The following MAN1B1 variants were observed in gnomAD, a reference collection of about 807,000 sequenced individuals.
MAN1B1 encodes mannosidase alpha class 1B member 1, also known as endoplasmic reticulum mannosyl-oligosaccharide 1,2-alpha-mannosidase.
A neutral mutation model predicts 75.5 loss-of-function variants in MAN1B1; 66 were observed. The ratio of observed to expected loss-of-function variants is 0.87; its 90% confidence interval spans 0.72 to 1.07. MAN1B1 has a LOEUF of 1.07. Ranked by LOEUF, MAN1B1 falls within the 50% of genes least tolerant of loss-of-function variation. MAN1B1 has a pLI of 0.00. For synonymous variants in MAN1B1, 453 were observed against 382.8 expected (o/e 1.18, Z -2.14); for missense variants, 973 against 912.5 (o/e 1.07, Z -0.85).
chr9:137,108,691 T>C lies in MAN1B1; in HGVS notation c.*100T>C. ...CCACGTAGCACCGGCAACCGCCAAGTGGCCCAGGCTCTGAACTGGCTCTGG... is the reference window on the plus strand; with the variant it reads ...CCACGTAGCACCGGCAACCGCCAAGCGGCCCAGGCTCTGAACTGGCTCTGG... On this transcript the variant is annotated 3_prime_UTR_variant, in exon 13 of 13. Coordinates refer to ENST00000371589, the MANE Select transcript of MAN1B1 (RefSeq NM_016219.5). 2 of 1,130,236 alleles carry C rather than the reference T, an allele frequency of 1.8e-6. No individual in the cohort carries two copies. The highest frequency in any genetic ancestry group is 2.4e-5 in the East Asian group (1 of 42,550). The allele number at this position is 1,130,236 out of a possible 1,614,324, so 70.0% of individuals were successfully genotyped here. A position where few individuals can be genotyped will look rare whatever the true frequency, so the allele number is the denominator to read the frequency against.
At chr9:137,089,289 C>A in intron 3 of MAN1B1, 1 of 465,078 alleles carries the variant, frequency 2.2e-6, no homozygotes, top group Middle Eastern at 6.3e-4. Context: ...GTAGGAGAGG[C>A]TGGTGAGAAG....
chr9:137,105,522 T>G, intron 8 of MAN1B1: 1 of 249,542 alleles, frequency 4.0e-6, no homozygotes, highest in Non-Finnish European at 7.9e-6. Flanking sequence ...GGCATGGGTT[T>G]GGGTGTCTGC....
Position 137,108,946 on chromosome 9 carries a change from C to T in MAN1B1, c.*355C>T. ...GTGACCGAGTGGACAGCCCAGGGTG[C>T]AGCTCTGCCCGGGCTCGTGAAGCCT... On this transcript the variant is annotated 3_prime_UTR_variant, in exon 13 of 13. Coordinates refer to ENST00000371589, the MANE Select transcript of MAN1B1 (RefSeq NM_016219.5). 1 of 484,216 alleles carries T rather than the reference C, an allele frequency of 2.1e-6. No individual in the cohort carries two copies. The highest frequency in any genetic ancestry group is 4.1e-6 in the Non-Finnish European group (1 of 245,814). The allele number at this position is 484,216 out of a possible 1,614,324, so 30.0% of individuals were successfully genotyped here.
intron 4 of MAN1B1, among the ~76,000 whole-genome samples, chr9:137,097,045 G>T (rs914456655): frequency 6.6e-6 from 1 of 152,250 alleles, no homozygotes; most frequent in African/African-American, 2.4e-5. Context: ...GAAGAAACGG[G>T]CCCAGAGGCC....
Position 137,099,899 on chromosome 9 carries a change from G to A in MAN1B1, c.916+18G>A. ...GAGGAAAGGTACCTGGTGCTTTCTG[G>A]GGAGGGGCTGAGCCCTCCGTGTGGG... On this transcript the variant is annotated intron_variant, in intron 6 of 12. Coordinates refer to ENST00000371589, the MANE Select transcript of MAN1B1 (RefSeq NM_016219.5). 1.2e-6 allele frequency: 2 copies of A among 1,613,924 alleles called. No homozygotes were observed. Among genetic ancestry groups the A allele is most frequent in the Non-Finnish European group, 8.5e-7 (1 of 1,179,994 alleles).
chr9:137,105,107 C>T (rs1490858871), intron 8 of MAN1B1: 2 of 152,414 alleles, frequency 1.3e-5, no homozygotes, highest in African/African-American at 4.8e-5. Context: ...CCACTGGCCT[C>T]CCAAAGTGCT....
At chr9:137,101,362 G>A (rs944025017) in intron 7 of MAN1B1, 122 bp from the exon 8 acceptor site, 61 of 1,136,784 alleles carry the variant, frequency 5.4e-5, no homozygotes, top group East Asian at 9.4e-5. Flanking sequence ...AGTGATGCCC[G>A]TTTCCTTGCT....
chr9:137,099,588 G>A (rs566487856), intron 5 of MAN1B1, 108 bp from the exon 6 acceptor site: 56 of 1,255,610 alleles, frequency 4.5e-5, no homozygotes, highest in African/African-American at 4.1e-4. Context: ...CAAACCCACC[G>A]TCATCTTTGC....
At chr9:137,088,787 C>T (rs1224161206) in intron 2 of MAN1B1, 82 bp from the exon 3 acceptor site, 3 of 1,448,142 alleles carry the variant, frequency 2.1e-6, no homozygotes, top group Non-Finnish European at 2.9e-6. Flanking sequence ...TGGATAGTGC[C>T]TGCCAAGTGT....
chr9:137,092,136 A>G (rs1030185473), intron 3 of MAN1B1, among the ~76,000 whole-genome samples: 1 of 152,062 alleles, frequency 6.6e-6, no homozygotes, highest in African/African-American at 2.4e-5. Flanking sequence ...GCACTTTCAG[A>G]GGCCAAGGCA....
chr9:137,101,279 T>C, intron 7 of MAN1B1, 126 bp downstream of exon 7: 1 of 1,338,252 alleles, frequency 7.5e-7, no homozygotes, highest in Non-Finnish European at 1.1e-6. Flanking sequence ...AGTCTGTTTC[T>C]GAGCTCATAT....
Position 137,106,197 on chromosome 9 carries a change from A to C in MAN1B1, c.1327A>C (p.Ile443Leu). The C allele has an allele frequency of 6.2e-7, 1 of 1,612,220 alleles. No individual in the cohort carries two copies. Among genetic ancestry groups the C allele is most frequent in the Non-Finnish European group, 8.5e-7 (1 of 1,179,650 alleles). Residue 443 changes from isoleucine (I) to leucine (L), a missense_variant, in exon 9 of 13, where the codon ATC becomes CTC. Coordinates refer to ENST00000371589, the MANE Select transcript of MAN1B1 (RefSeq NM_016219.5). ...GKKDGLVPMF[I>L]NTHSGLFTHL... ...GAAGGATGGGCTGGTGCCCATGTTC[A>C]TCAATACCCACAGTGGCCTCTTCAC...
intron 3 of MAN1B1, chr9:137,094,440 G>A: frequency 2.1e-6 from 1 of 480,748 alleles, no homozygotes; most frequent in Admixed American, 2.0e-5. Flanking sequence ...ACCTGGTGGA[G>A]AAGAGACTAG....
Position 137,102,667 on chromosome 9 carries a change from TACAC to T in MAN1B1, c.1254+999_1254+1002del, listed in dbSNP as rs1407408518. 1.0e-3 allele frequency: 457 copies of T among 439,780 alleles called. 3 individuals carry two copies. The East Asian group carries it at 0.017, about 17-fold the overall frequency. The allele number at this position is 439,780 out of a possible 1,614,324, so 27.2% of individuals were successfully genotyped here. On this transcript the variant is annotated intron_variant, in intron 8 of 12. Transcript: ENST00000371589. The stretch of plus-strand genomic sequence containing the variant: ...TTGCTGGCGTGCAGGTCGGTGGTGT[TACAC>T]ACATTCACACTGTTGCAGACATGCA...
At position 137,087,151 on chromosome 9, in the gene MAN1B1, C is replaced by T. The variant is rs1453193323; in HGVS notation, c.152C>T (p.Ser51Leu). 4 of 1,594,412 alleles carry T rather than the reference C, an allele frequency of 2.5e-6. No homozygotes were observed. The highest frequency in any genetic ancestry group is 3.4e-6 in the Non-Finnish European group (4 of 1,171,612). The part of the protein sequence containing the change: ...PPPPPHRDFI[S>L]VTLSFGENYD... The stretch of plus-strand genomic sequence containing the variant: ...CCGCCGCCTCATCGGGACTTCATCT[C>T]GGTGACGCTGAGCTTTGGCGAGAAC... Residue 51 changes from serine to leucine, a missense_variant, in exon 1 of 13, where the codon TCG (serine) becomes TTG (leucine). Transcript: ENST00000371589.
chr9:137,089,877 C>A (rs1830473778), intron 3 of MAN1B1, among the ~76,000 whole-genome samples: 1 of 152,064 alleles, frequency 6.6e-6, no homozygotes, highest in Non-Finnish European at 1.5e-5. Context: ...TGGATCTGCC[C>A]ACTGTGAGAT....
chr9:137,107,486 G>A (rs772804236), intron 11 of MAN1B1, 39 bp downstream of exon 11: 2 of 1,613,168 alleles, frequency 1.2e-6, no homozygotes, highest in East Asian at 2.2e-5. Flanking sequence ...CAGGAGGAGG[G>A]TGCTGGCAGG....
chr9:137,104,264 CTCAT>C (rs2131109859), intron 8 of MAN1B1: 1 of 361,740 alleles, frequency 2.8e-6, no homozygotes, highest in Non-Finnish European at 5.4e-6. Context: ...GAGACAGAGT[CTCAT>C]TCTGTCACTC....
intron 3 of MAN1B1, among the ~76,000 whole-genome samples, chr9:137,092,866 C>T (rs1248770535): frequency 2.0e-5 from 3 of 152,118 alleles, no homozygotes; most frequent in South Asian, 2.1e-4. Context: ...AGGTGATGAA[C>T]GGCCCTATGT....
Sources: gnomAD v4.1 joint callset for allele counts (sites outside exome capture counted in the v4.1 genomes callset) on GRCh38, gnomAD v4.1.1 for gene constraint, MANE v1.5 for transcripts, NCBI Gene and HGNC (gene_info 2026-07-23, HGNC 2026-07-21) for gene names.